Variants in SLC8B1 observed in about 807,000 individuals in gnomAD.
SLC8B1 encodes solute carrier family 8 member B1, also known as mitochondrial sodium/calcium exchanger protein.
A neutral mutation model predicts 63.4 loss-of-function variants in SLC8B1; 52 were observed. That is an observed-to-expected ratio of 0.82 (90% CI 0.66 to 1.03). SLC8B1 has a LOEUF of 1.03. Ranked by LOEUF, SLC8B1 falls within the 50% of genes least tolerant of loss-of-function variation. SLC8B1 has a pLI of 0.00. For synonymous variants in SLC8B1, 336 were observed against 323.9 expected (o/e 1.04, Z -0.40); for missense variants, 657 against 741.7 (o/e 0.89, Z 1.33).
chr12:113,315,474 C>CAGCT lies in SLC8B1; in HGVS notation c.994-2_995dup (p.Pro333AlafsTer20). The stretch of plus-strand genomic sequence containing the variant: ...TGAGGAGCAGCAGGAACTCCACAGG[C>CAGCT]AGCTGTCAAGGGGGCAAAAGTGGGA... On this transcript the variant is annotated frameshift_variant and splice_region_variant, in exon 11 of 16. Transcript: ENST00000680972. LOFTEE classifies it high-confidence loss of function. 6.3e-7 allele frequency: 1 copy of CAGCT among 1,590,978 alleles called. No homozygotes were observed. Among genetic ancestry groups the CAGCT allele is most frequent in the Non-Finnish European group, 8.6e-7 (1 of 1,169,222 alleles).
chr12:113,320,378 G>T lies in SLC8B1; in HGVS notation c.647C>A (p.Thr216Asn), dbSNP rs778437458. Reference sequence around the variant, plus strand: ...CCTGCCACGGAAGAGCATGAGGAAGGTCAGGAACACAGCCACCATGTAGAA... The same window carrying T: ...CCTGCCACGGAAGAGCATGAGGAAGTTCAGGAACACAGCCACCATGTAGAA... ...IVFYMVAVFLTFLMLFRGRVT... is the reference protein window; with the variant it reads ...IVFYMVAVFLNFLMLFRGRVT... Residue 216 changes from threonine to asparagine, a missense_variant, in exon 7 of 16, where the codon ACC (threonine) becomes AAC (asparagine). Physicochemically the swap from Thr to Asn is moderately conservative, Grantham distance 65. Coordinates refer to ENST00000680972, the MANE Select transcript of SLC8B1 (RefSeq NM_001358345.2). This position sits in a 1 kb window ranked among gnomAD's most constrained non-coding sequence, Gnocchi z 5.3. 2.5e-6 allele frequency: 4 copies of T among 1,614,200 alleles called. No homozygotes were observed. Among genetic ancestry groups the T allele is most frequent in the Non-Finnish European group, 3.4e-6 (4 of 1,180,040 alleles).
intron 2 of SLC8B1, among the ~76,000 whole-genome samples, chr12:113,323,749 T>TAACCC (rs1956960611): frequency 6.6e-6 from 1 of 152,048 alleles, no homozygotes; most frequent in Non-Finnish European, 1.5e-5. Flanking sequence ...CAGTAAATTT[T>TAACCC]AGGTTATGTG....
intron 11 of SLC8B1, among the ~76,000 whole-genome samples, chr12:113,314,959 C>A (rs963406315): frequency 6.6e-6 from 1 of 152,178 alleles, no homozygotes; most frequent in African/African-American, 2.4e-5. Context: ...AGGTTTCTGC[C>A]TCTAGCCCAA....
At position 113,321,613 on chromosome 12, in the gene SLC8B1, C is replaced by T. The variant is rs76946022; in HGVS notation, c.157-265G>A. On this transcript the variant is annotated intron_variant, in intron 2 of 15. Coordinates refer to ENST00000680972, the MANE Select transcript of SLC8B1 (RefSeq NM_001358345.2). ...ATTCCGCTTTCTTATCCCTGCCCTC[C>T]GTAAATCCCCCTCTCCAGTGGTCCC... Among the ~76,000 whole-genome samples the T allele has an allele frequency of 2.7e-3, 417 of 152,132 alleles. 12 individuals carry two copies. The East Asian group carries it at 0.055, about 20-fold the overall frequency.
chr12:113,303,760 G>A (rs547158667), intron 15 of SLC8B1, among the ~76,000 whole-genome samples: 2 of 152,052 alleles, frequency 1.3e-5, no homozygotes, highest in South Asian at 2.1e-4. Flanking sequence ...CCTGTGGGCA[G>A]TGCTGGGATA....
At position 113,305,248 on chromosome 12, in the gene SLC8B1, G is replaced by A. The variant is rs1355867604; in HGVS notation, c.1493-863C>T. ...GGTCAGGCGAGGCTGCAGCCCGAAA[G>A]CCAGGAGTAGGCCTCAGTGGGCGCA... is the stretch of plus-strand genomic sequence containing the variant. On this transcript the variant is annotated intron_variant, in intron 14 of 15. Transcript: ENST00000680972. The surrounding 1 kb of genome is among the most constrained non-coding windows in gnomAD (Gnocchi z 4.3). Among the ~76,000 whole-genome samples the A allele has an allele frequency of 1.3e-5, 2 of 152,258 alleles. No individual in the cohort carries two copies. Among genetic ancestry groups the A allele is most frequent in the Non-Finnish European group, 2.9e-5 (2 of 68,046 alleles).
At position 113,306,501 on chromosome 12, in the gene SLC8B1, T is replaced by G; in HGVS notation, c.1486A>C (p.Ile496Leu). ...MAFSACFGGI[I>L]FNILVGVGLG... ...AACAGACCACAAAGGATACTGAAGA[T>G]GATGCCGCCAAAGCAGGCGGAGAAC... Residue 496 changes from isoleucine to leucine, a missense_variant, in exon 14 of 16, where the codon ATC becomes CTC. Coordinates refer to ENST00000680972, the MANE Select transcript of SLC8B1 (RefSeq NM_001358345.2). 3 of 1,612,204 alleles carry G rather than the reference T, an allele frequency of 1.9e-6. No individual in the cohort carries two copies. The highest frequency in any genetic ancestry group is 2.5e-6 in the Non-Finnish European group (3 of 1,179,078).
At chr12:113,301,612 T>C (rs977588992) in intron 15 of SLC8B1, among the ~76,000 whole-genome samples, 10 of 152,194 alleles carry the variant, frequency 6.6e-5, no homozygotes, top group Non-Finnish European at 1.3e-4. Context: ...GTGCTGGGAT[T>C]ACATGTGTGA....
At position 113,299,917 on chromosome 12, in the gene SLC8B1, CGAGGCTGAGCCCCAGG is replaced by C; in HGVS notation, c.1599_1614del (p.Leu534SerfsTer27). On this transcript the variant is annotated frameshift_variant, in exon 16 of 16. Transcript: ENST00000680972. LOFTEE classifies it high-confidence loss of function. ...AATGGGACTGAGACCAGGGAGAAGACGAGGCTGAGCCCCAGGGCGCCTGCCAGGACCCACACCAGCA... is the reference window on the plus strand; with the variant it reads ...AATGGGACTGAGACCAGGGAGAAGACGCGCCTGCCAGGACCCACACCAGCA... 6.2e-7 allele frequency: 1 copy of C among 1,614,148 alleles called. No individual in the cohort carries two copies. The highest frequency in any genetic ancestry group is 8.5e-7 in the Non-Finnish European group (1 of 1,180,048).
intron 1 of SLC8B1, among the ~76,000 whole-genome samples, chr12:113,333,554 G>A (rs1402457672): frequency 6.6e-6 from 1 of 152,134 alleles, no homozygotes; most frequent in Non-Finnish European, 1.5e-5. Flanking sequence ...TTTTACAGAT[G>A]AACTAACTGA....
intron 2 of SLC8B1, among the ~76,000 whole-genome samples, chr12:113,331,752 T>C (rs1159410255): frequency 6.6e-6 from 1 of 152,054 alleles, no homozygotes; most frequent in Non-Finnish European, 1.5e-5. Context: ...TGAGTCAATA[T>C]TCCTTTAAAA....
intron 2 of SLC8B1, among the ~76,000 whole-genome samples, chr12:113,327,366 C>G (rs1002498640): frequency 6.6e-6 from 1 of 152,116 alleles, no homozygotes; most frequent in Non-Finnish European, 1.5e-5. Context: ...CCTCAGTGTT[C>G]TCCTCTGAAC....
At chr12:113,301,398 G>A (rs951750595) in intron 15 of SLC8B1, among the ~76,000 whole-genome samples, 3 of 144,770 alleles carry the variant, frequency 2.1e-5, no homozygotes, top group African/African-American at 5.2e-5. Context: ...GTGCAATGGC[G>A]TGATCTCAGC....
At chr12:113,334,063 A>G (rs1489913616) in intron 1 of SLC8B1, among the ~76,000 whole-genome samples, 1 of 152,210 alleles carries the variant, frequency 6.6e-6, no homozygotes, top group Non-Finnish European at 1.5e-5. Context: ...CAGAGCCCAC[A>G]GCCCCTCCGA....
At chr12:113,332,607 C>A in intron 2 of SLC8B1, 116 bp downstream of exon 2, 1 of 1,255,344 alleles carries the variant, frequency 8.0e-7, no homozygotes, top group Non-Finnish European at 1.1e-6. Flanking sequence ...CTCTATTGTT[C>A]CCCGGTATAT....
intron 11 of SLC8B1, among the ~76,000 whole-genome samples, chr12:113,311,481 G>A (rs1222608283): frequency 2.6e-5 from 4 of 151,786 alleles, no homozygotes; most frequent in South Asian, 2.1e-4. Context: ...TTAGCTGGGC[G>A]TGGTGGTGGG....
intron 10 of SLC8B1, 125 bp downstream of exon 10, chr12:113,316,401 G>A (rs1050781042): frequency 4.0e-6 from 5 of 1,264,098 alleles, no homozygotes; most frequent in Non-Finnish European, 5.5e-6. Flanking sequence ...CAAATCACAA[G>A]TCATGTATTC....
intron 10 of SLC8B1, among the ~76,000 whole-genome samples, chr12:113,315,950 T>C (rs567297095): frequency 1.3e-5 from 2 of 152,068 alleles, no homozygotes; most frequent in African/African-American, 4.8e-5. Context: ...GATGGCTGGA[T>C]GCGGTGGCTC....
Position 113,307,747 on chromosome 12 carries a change from C to G in SLC8B1, c.1355G>C (p.Arg452Pro), listed in dbSNP as rs201436568. ...GAGCCCCAGCACAGTGTTGCTCAGC[C>G]GGAAGACCACACCCAGGGACCGCAA... Reference protein sequence around the residue: ...NILRSLGVVFRLSNTVLGLTL... With the variant: ...NILRSLGVVFPLSNTVLGLTL... The change falls in exon 13 of 16, where the codon CGG becomes CCG. Residue 452 changes from arginine (R) to proline (P), a missense_variant. Transcript: ENST00000680972. 86 of 1,614,018 alleles carry G rather than the reference C, an allele frequency of 5.3e-5. 1 individual carries two copies. The highest frequency in any genetic ancestry group is 3.0e-4 in the Admixed American group (18 of 60,026).
Sources: gnomAD v4.1 joint callset for allele counts (sites outside exome capture counted in the v4.1 genomes callset) on GRCh38, gnomAD v4.1.1 for gene constraint, Gnocchi (gnomAD v3.1) non-coding constraint, MANE v1.5 for transcripts, NCBI Gene and HGNC (gene_info 2026-07-23, HGNC 2026-07-21) for gene names.